The following KIAA0825 variants were observed in gnomAD, a reference collection of about 807,000 sequenced individuals.
KIAA0825 encodes KIAA0825.
KIAA0825 carries 119 observed loss-of-function variants against 147.6 expected under a neutral mutation model. The ratio of observed to expected loss-of-function variants is 0.81; its 90% CI spans 0.69 to 0.94. KIAA0825 has a LOEUF of 0.94. KIAA0825 is among the 40% of genes least tolerant of loss of function. KIAA0825 has a pLI of 0.00. For synonymous variants in KIAA0825, 470 were observed against 518.1 expected, an observed-to-expected ratio of 0.91 and a Z score of 1.26; for missense variants, 1,381 against 1,472.7, an observed-to-expected ratio of 0.94 and a Z score of 1.02.
chr5:94,516,875 T>C (rs934708282), intron 5 of KIAA0825, among the ~76,000 whole-genome samples: 1 of 149,214 alleles, frequency 6.7e-6, no homozygotes, highest in African/African-American at 2.5e-5. Context: ...CCAAGGCGGG[T>C]GGATCACCTG....
At chr5:94,596,572 T>C (rs1785355155) in intron 1 of KIAA0825, among the ~76,000 whole-genome samples, 1 of 152,198 alleles carries the variant, frequency 6.6e-6, no homozygotes, top group Admixed American at 6.5e-5. Flanking sequence ...CTCCTTTTGT[T>C]CCATAGGAAT....
chr5:94,236,583 A>G (rs533960474), intron 20 of KIAA0825, among the ~76,000 whole-genome samples: 2 of 152,344 alleles, frequency 1.3e-5, no homozygotes, highest in South Asian at 2.1e-4. Flanking sequence ...ATTAAGTTCA[A>G]TTTTGAAAGA....
intron 13 of KIAA0825, among the ~76,000 whole-genome samples, chr5:94,451,867 C>T (rs904270494): frequency 5.3e-5 from 8 of 152,310 alleles, no homozygotes; most frequent in Non-Finnish European, 1.0e-4. Flanking sequence ...TCAAATGACA[C>T]AGCTTGTTTG....
intron 20 of KIAA0825, among the ~76,000 whole-genome samples, chr5:94,234,307 C>T (rs1774912602): frequency 6.6e-6 from 1 of 151,248 alleles, no homozygotes; most frequent in African/African-American, 2.4e-5. Context: ...GGAGGCGGAG[C>T]TTGCAGTGAG....
intron 2 of KIAA0825, among the ~76,000 whole-genome samples, chr5:94,552,859 G>T (rs929290818): frequency 3.3e-5 from 5 of 152,196 alleles, no homozygotes; most frequent in African/African-American, 1.2e-4. Flanking sequence ...GTTAGTAGAA[G>T]CTGAGAAAGG....
intron 2 of KIAA0825, among the ~76,000 whole-genome samples, chr5:94,571,907 A>G (rs1454163154): frequency 6.6e-6 from 1 of 152,194 alleles, no homozygotes; most frequent in Non-Finnish European, 1.5e-5. Context: ...GTAGTTTTAT[A>G]CCATATGATA....
At chr5:94,498,789 G>T in intron 5 of KIAA0825, among the ~76,000 whole-genome samples, 1 of 152,158 alleles carries the variant, frequency 6.6e-6, no homozygotes, top group South Asian at 2.1e-4. Flanking sequence ...TGTCTGGACT[G>T]CAAGGGAAGC....
intron 20 of KIAA0825, among the ~76,000 whole-genome samples, chr5:94,184,088 T>TAAATTTAATAA (rs1296533119): frequency 6.6e-6 from 1 of 152,160 alleles, no homozygotes; most frequent in Non-Finnish European, 1.5e-5. Context: ...GTATCAGAGT[T>TAAATTTAATAA]AAATTTAATA....
At chr5:94,608,242 CTTTTA>C (rs1418464591) in intron 1 of KIAA0825, among the ~76,000 whole-genome samples, 3 of 147,064 alleles carry the variant, frequency 2.0e-5, no homozygotes, top group Non-Finnish European at 4.5e-5. Context: ...GTAAAAATTA[CTTTTA>C]TTTTTATTTA....
Position 94,470,089 on chromosome 5 carries a change from G to A in KIAA0825, c.1744C>T (p.Gln582Ter), listed in dbSNP as rs1003427597. ...GTGTTGATGAATTCCTGATATCGTTGGACAAGCACCAGGAATATGGGTCTG... is the reference window on the plus strand; with the variant it reads ...GTGTTGATGAATTCCTGATATCGTTAGACAAGCACCAGGAATATGGGTCTG... ...TKKPIFLVLVQRYQEFINTLQ... is the reference protein window; with the variant it reads ...TKKPIFLVLV The change falls in exon 10 of 21, where the codon CAA becomes TAA. Residue 582 changes from glutamine (Q) to a stop codon, truncating the protein, a stop_gained. Transcript: ENST00000682413. LOFTEE classifies it high-confidence loss of function. 1.4e-5 allele frequency: 22 copies of A among 1,551,182 alleles called. No individual in the cohort carries two copies. The highest frequency in any genetic ancestry group is 2.7e-5 in the African/African-American group (2 of 72,984).
At chr5:94,549,259 T>C (rs997078065) in intron 2 of KIAA0825, among the ~76,000 whole-genome samples, 4 of 152,070 alleles carry the variant, frequency 2.6e-5, no homozygotes, top group Admixed American at 6.5e-5. Flanking sequence ...CTGACCACAA[T>C]GGAATAAAAC....
chr5:94,550,797 G>A (rs1427383739), intron 2 of KIAA0825, among the ~76,000 whole-genome samples: 7 of 148,722 alleles, frequency 4.7e-5, no homozygotes, highest in Non-Finnish European at 7.4e-5. Context: ...AGCCCAGATC[G>A]CACCACTGCA....
chr5:94,185,554 T>G (rs570496029), intron 20 of KIAA0825, among the ~76,000 whole-genome samples: 84 of 152,318 alleles, frequency 5.5e-4, no homozygotes, highest in Non-Finnish European at 1.0e-3. Flanking sequence ...TTTCTCAAAT[T>G]ATAAGACCCT....
At chr5:94,432,670 T>G (rs924970113) in intron 14 of KIAA0825, among the ~76,000 whole-genome samples, 1 of 152,188 alleles carries the variant, frequency 6.6e-6, no homozygotes, top group Admixed American at 6.5e-5. Context: ...CATTGTTATG[T>G]TGGCTAACAA....
chr5:94,424,862 C>T lies in KIAA0825; in HGVS notation c.2498-7497G>A, dbSNP rs113819770. Among the ~76,000 whole-genome samples, 182 of 152,204 alleles carry T rather than the reference C, an allele frequency of 1.2e-3. 2 individuals are homozygous for T. The highest frequency in any genetic ancestry group is 4.2e-3 in the African/African-American group (176 of 41,538). ...GATCATCAGAGATTATTATGAATAG[C>T]TATACAGCAACAAATTGGAAGACCT... On this transcript the variant is annotated intron_variant, in intron 14 of 20. Transcript: ENST00000682413.
intron 20 of KIAA0825, among the ~76,000 whole-genome samples, chr5:94,260,215 G>T (rs1003201125): frequency 6.6e-6 from 1 of 152,088 alleles, no homozygotes; most frequent in South Asian, 2.1e-4. Flanking sequence ...TGAGGGAAGT[G>T]TATTAGAGAC....
chr5:94,380,153 G>A (rs575233939), intron 20 of KIAA0825, among the ~76,000 whole-genome samples: 11 of 152,132 alleles, frequency 7.2e-5, no homozygotes, highest in East Asian at 1.9e-4. Context: ...GTGCCTGGCC[G>A]ATACTTTATT....
intron 20 of KIAA0825, among the ~76,000 whole-genome samples, chr5:94,293,185 T>A (rs1428588843): frequency 1.3e-5 from 2 of 152,216 alleles, no homozygotes; most frequent in Non-Finnish European, 2.9e-5. Context: ...CTTCTCTAGT[T>A]CTTTTAATTG....
At chr5:94,523,679 A>G (rs960866205) in intron 4 of KIAA0825, among the ~76,000 whole-genome samples, 1 of 151,576 alleles carries the variant, frequency 6.6e-6, no homozygotes, top group African/African-American at 2.4e-5. Context: ...ATCATACCAC[A>G]AATCACCCAG....
Sources: allele counts gnomAD v4.1 joint callset (sites outside exome capture counted in the v4.1 genomes callset), GRCh38; gene constraint gnomAD v4.1.1; transcripts MANE v1.5; gene names NCBI Gene and HGNC (gene_info 2026-07-23, HGNC 2026-07-21).